The following CDKL5 variants were observed in gnomAD, a reference collection of about 807,000 sequenced individuals.
The protein encoded by CDKL5 is cyclin dependent kinase like 5.
Under a neutral mutation model 61.7 loss-of-function variants are expected in CDKL5, and 8 were observed. The ratio of observed to expected loss-of-function variants is 0.13; its 90% confidence interval spans 0.08 to 0.23. The LOEUF is 0.23. Among genes scored for constraint, CDKL5 ranks in the 10% least tolerant of loss-of-function variants. The pLI, the probability that CDKL5 is intolerant of heterozygous loss-of-function variation, is 1.00. For synonymous variants in CDKL5, 275 were observed against 272.3 expected (o/e 1.01, Z -0.10); for missense variants, 440 against 734.5 (o/e 0.60, Z 4.63).
At chrX:18,453,453 A>G (rs1792061360) in intron 1 of CDKL5, among the ~76,000 whole-genome samples, 1 of 111,245 alleles carries the variant, frequency 9.0e-6, no homozygotes, top group African/African-American at 3.3e-5. Context: ...CTGGACATAA[A>G]GTTTTTGTGT....
chrX:18,430,734 T>C (rs1464492008), intron 1 of CDKL5, among the ~76,000 whole-genome samples: 3 of 110,703 alleles, frequency 2.7e-5, no homozygotes, highest in African/African-American at 6.6e-5. Context: ...CATGAGCCAC[T>C]GCGCCCACCG....
chrX:18,439,153 T>C (rs1466081260), intron 1 of CDKL5, among the ~76,000 whole-genome samples: 1 of 104,208 alleles, frequency 9.6e-6, no homozygotes, highest in African/African-American at 3.5e-5. Context: ...ACCCTATAGT[T>C]ATGCCTGTCC....
At chrX:18,504,736 C>T (rs990085044) in intron 1 of CDKL5, among the ~76,000 whole-genome samples, 1 of 110,044 alleles carries the variant, frequency 9.1e-6, no homozygotes, top group Non-Finnish European at 1.9e-5. Context: ...GCGAGACCAT[C>T]CTGGCTAACA....
At chrX:18,528,553 C>T (rs979731341) in intron 3 of CDKL5, among the ~76,000 whole-genome samples, 2 of 110,201 alleles carry the variant, frequency 1.8e-5, no homozygotes, top group Non-Finnish European at 3.8e-5. Context: ...TTTCTCCATC[C>T]CTTTACTTTT....
intron 15 of CDKL5, among the ~76,000 whole-genome samples, chrX:18,617,540 C>A (rs764056595): frequency 8.9e-6 from 1 of 112,342 alleles, no homozygotes; most frequent in South Asian, 3.7e-4. Context: ...CTTTATACAA[C>A]ACAGCTTTTC....
In CDKL5 at chrX:18,558,849, A is replaced by G. The variant is rs371122965; in HGVS notation, c.100-5628A>G. On this transcript the variant is annotated intron_variant, in intron 3 of 17. Transcript: ENST00000623535. ...GAGACTAAAATGTCCTAAATATAGT[A>G]AGGGAAGAAGCAAAGAAGGATTGGA... Among the ~76,000 whole-genome samples, 75 of 112,715 alleles carry G rather than the reference A, an allele frequency of 6.7e-4. 2 individuals carry two copies. The South Asian group carries it at 0.024, about 37-fold the overall frequency.
chrX:18,448,440 A>G (rs1477752082), intron 1 of CDKL5, among the ~76,000 whole-genome samples: 1 of 111,656 alleles, frequency 9.0e-6, no homozygotes, highest in African/African-American at 3.3e-5. Context: ...CTCATACGCT[A>G]TGCTCCGGCA....
chrX:18,478,203 G>GT (rs1302495488), intron 1 of CDKL5, among the ~76,000 whole-genome samples: 466 of 100,109 alleles, frequency 4.7e-3, no homozygotes, highest in African/African-American at 0.014. Flanking sequence ...TGGTTGACAA[G>GT]TTTTTTTTTT....
chrX:18,464,454 T>A (rs1932356911), intron 1 of CDKL5, among the ~76,000 whole-genome samples: 1 of 111,840 alleles, frequency 8.9e-6, no homozygotes, highest in Non-Finnish European at 1.9e-5. Flanking sequence ...TTGTCTGTTT[T>A]CTCTTTGGGT....
chrX:18,594,216 G>A (rs1306516693), intron 9 of CDKL5, among the ~76,000 whole-genome samples: 1 of 112,116 alleles, frequency 8.9e-6, no homozygotes, highest in Non-Finnish European at 1.9e-5. Context: ...AATAATGTAT[G>A]GAAGCAGACT....
At chrX:18,515,175 G>C (rs1922972761) in intron 3 of CDKL5, among the ~76,000 whole-genome samples, 2 of 112,314 alleles carry the variant, frequency 1.8e-5, no homozygotes, top group South Asian at 3.6e-4. Flanking sequence ...ACACGAAAAG[G>C]TCATGCTTAC....
chrX:18,633,523 A>C lies in CDKL5; in HGVS notation c.*4766A>C. 1 of 754,164 alleles carries C rather than the reference A, an allele frequency of 1.3e-6. No homozygotes were observed. The highest frequency in any genetic ancestry group is 1.6e-6 in the Non-Finnish European group (1 of 639,090). 62.2% of individuals were successfully genotyped at this position (754,164 alleles called of 1,213,427 possible). A position where few individuals can be genotyped will look rare whatever the true frequency, so the allele number is the denominator to read the frequency against. ...TACAATTTCTTCCTTTTGCTTCTTG[A>C]CCAGCTGAGATACAGAATATCTTGA... On this transcript the variant is annotated 3_prime_UTR_variant, in exon 18 of 18. Transcript: ENST00000623535.
intron 3 of CDKL5, among the ~76,000 whole-genome samples, chrX:18,511,441 C>G (rs1167409197): frequency 9.1e-6 from 1 of 109,852 alleles, no homozygotes; most frequent in Non-Finnish European, 1.9e-5. Context: ...TTTAGATCAA[C>G]AGTGGACAGC....
chrX:18,459,577 A>G (rs1415438461), intron 1 of CDKL5, among the ~76,000 whole-genome samples: 1 of 109,526 alleles, frequency 9.1e-6, no homozygotes, highest in Non-Finnish European at 1.9e-5. Flanking sequence ...AAACAAACAA[A>G]AAAGAAGTAC....
chrX:18,519,545 T>A (rs1339428876), intron 3 of CDKL5, among the ~76,000 whole-genome samples: 1 of 111,584 alleles, frequency 9.0e-6, no homozygotes. Flanking sequence ...ATCCTTTGAA[T>A]GGCTGGGCAG....
chrX:18,560,185 C>G (rs768326880), intron 3 of CDKL5, among the ~76,000 whole-genome samples: 20 of 111,392 alleles, frequency 1.8e-4, no homozygotes, highest in Admixed American at 1.6e-3. Flanking sequence ...ATTTCTAGTT[C>G]TAGATCCCTA....
intron 3 of CDKL5, among the ~76,000 whole-genome samples, chrX:18,528,869 C>G (rs1013378629): frequency 4.5e-5 from 5 of 111,147 alleles, no homozygotes; most frequent in African/African-American, 1.3e-4. Flanking sequence ...TCCTGGGCCT[C>G]AAGTGATCCT....
At chrX:18,618,353 C>A (rs1194400209) in intron 15 of CDKL5, among the ~76,000 whole-genome samples, 1 of 111,717 alleles carries the variant, frequency 9.0e-6, no homozygotes, top group Non-Finnish European at 1.9e-5. Context: ...AATTCTTTAA[C>A]CTCTAGAAGT....
chrX:18,601,899 T>TTATCTGTCTA (rs1349604207), intron 11 of CDKL5, among the ~76,000 whole-genome samples: 2 of 111,705 alleles, frequency 1.8e-5, no homozygotes, highest in East Asian at 5.6e-4. Context: ...TCTGTACATG[T>TTATCTGTCTA]TATCTGTCTA....
Sources: gnomAD v4.1 joint callset for allele counts (sites outside exome capture counted in the v4.1 genomes callset) on GRCh38, gnomAD v4.1.1 for gene constraint, MANE v1.5 for transcripts, NCBI Gene and HGNC (gene_info 2026-07-23, HGNC 2026-07-21) for gene names.